Variants in WASF3 observed in about 807,000 individuals in gnomAD.
WASF3 encodes the protein WASP family member 3.
WASF3 carries 11 observed loss-of-function variants against 46.6 expected under a neutral mutation model. That is an observed-to-expected ratio of 0.24 (90% CI 0.15 to 0.39). The LOEUF is 0.39. Among genes scored for constraint, WASF3 ranks in the 10% least tolerant of loss-of-function variants. The pLI, the probability that WASF3 is intolerant of heterozygous loss-of-function variation, is 1.00. For missense variants in WASF3, 576 were observed against 669.8 expected (o/e 0.86, Z 1.55); for synonymous variants, 242 against 259.7 (o/e 0.93, Z 0.65).
the WASF3 span, among the ~76,000 whole-genome samples, chr13:26,547,393 AAC>A: frequency 0.046 from 6,099 of 131,274 alleles, 133 homozygotes; most frequent in Non-Finnish European, 0.055. Context: ...CTACCCCATC[AAC>A]ACACACACAC....
At chr13:26,542,074 C>A in the WASF3 span, among the ~76,000 whole-genome samples, 1 of 151,702 alleles carries the variant, frequency 6.6e-6, no homozygotes, top group Non-Finnish European at 1.5e-5. Context: ...ATTTGCCTTA[C>A]AAAAATCCTA....
intron 1 of WASF3, among the ~76,000 whole-genome samples, chr13:26,566,317 C>T (rs1408740027): frequency 6.6e-6 from 1 of 152,164 alleles, no homozygotes; most frequent in Non-Finnish European, 1.5e-5. Flanking sequence ...AGACTTTTCT[C>T]TCATCTGTCA....
At chr13:26,621,099 G>A (rs775011474) in intron 2 of WASF3, among the ~76,000 whole-genome samples, 7 of 152,118 alleles carry the variant, frequency 4.6e-5, no homozygotes, top group South Asian at 2.1e-4. Context: ...CTGTGATGCC[G>A]TGTCATCTCC....
chr13:26,594,427 G>T (rs1880397846), intron 1 of WASF3, among the ~76,000 whole-genome samples: 1 of 152,158 alleles, frequency 6.6e-6, no homozygotes, highest in Admixed American at 6.5e-5. Flanking sequence ...ACTCAAGCTG[G>T]AATTGTGGGA....
intron 1 of WASF3, among the ~76,000 whole-genome samples, chr13:26,583,711 C>G (rs1880049148): frequency 6.6e-6 from 1 of 152,166 alleles, no homozygotes; most frequent in African/African-American, 2.4e-5. Context: ...CTAGAACATC[C>G]TTTTCCCACT....
the WASF3 span, among the ~76,000 whole-genome samples, chr13:26,547,232 A>T: frequency 6.6e-6 from 1 of 152,248 alleles, no homozygotes; most frequent in East Asian, 1.9e-4. Context: ...TGAATTCCTA[A>T]TTTGTAACCC....
chr13:26,606,758 T>A (rs902217841), intron 1 of WASF3: 1 of 152,192 alleles, frequency 6.6e-6, no homozygotes, highest in Non-Finnish European at 1.5e-5. Flanking sequence ...AATCAGTCTC[T>A]TGGTGTCACT....
chr13:26,655,158 CTCT>C (rs1882430435), intron 3 of WASF3, among the ~76,000 whole-genome samples: 1 of 152,146 alleles, frequency 6.6e-6, no homozygotes, highest in Non-Finnish European at 1.5e-5. Context: ...TAAAAATGAT[CTCT>C]TTTTTGTCTC....
At chr13:26,578,778 C>T (rs948068518) in intron 1 of WASF3, among the ~76,000 whole-genome samples, 6 of 152,004 alleles carry the variant, frequency 3.9e-5, no homozygotes, top group Non-Finnish European at 7.4e-5. Context: ...TTTGCCTTAG[C>T]TTCCTCATTG....
intron 7 of WASF3, among the ~76,000 whole-genome samples, chr13:26,677,643 G>A (rs1040972149): frequency 2.0e-5 from 3 of 152,158 alleles, no homozygotes; most frequent in Admixed American, 6.5e-5. Flanking sequence ...GAGGATGTGA[G>A]GCAAGTTCTG....
intron 2 of WASF3, 87 bp from the exon 3 acceptor site, chr13:26,642,174 A>C: frequency 7.1e-7 from 1 of 1,399,316 alleles, no homozygotes; most frequent in South Asian, 1.7e-5. Context: ...AAATTCCTGG[A>C]AAATAGTCAA....
chr13:26,608,035 C>T (rs1388418464), intron 1 of WASF3, among the ~76,000 whole-genome samples: 2 of 148,838 alleles, frequency 1.3e-5, no homozygotes, highest in Non-Finnish European at 3.0e-5. Flanking sequence ...TAATGTACCC[C>T]TCCCCACCCC....
At chr13:26,636,313 C>T (rs2088757) in intron 2 of WASF3, among the ~76,000 whole-genome samples, 40,521 of 152,230 alleles carry the variant, frequency 0.27, 5,909 homozygotes, top group Non-Finnish European at 0.34. Flanking sequence ...TGGTACCCAC[C>T]GAGCCAGGCA....
intron 3 of WASF3, among the ~76,000 whole-genome samples, chr13:26,649,285 A>G (rs1882241516): frequency 6.6e-6 from 1 of 152,202 alleles, no homozygotes; most frequent in African/African-American, 2.4e-5. Context: ...ATAGGTGGAA[A>G]AGGAAAAATA....
At chr13:26,591,256 T>C (rs1880284777) in intron 1 of WASF3, among the ~76,000 whole-genome samples, 1 of 152,104 alleles carries the variant, frequency 6.6e-6, no homozygotes, top group South Asian at 2.1e-4. Flanking sequence ...TCACACTGTG[T>C]GTGCTGAACG....
At chr13:26,597,044 T>G (rs1189514000) in intron 1 of WASF3, among the ~76,000 whole-genome samples, 1 of 152,236 alleles carries the variant, frequency 6.6e-6, no homozygotes, top group Non-Finnish European at 1.5e-5. Flanking sequence ...GTCTACTGGT[T>G]GCAACATCAG....
intron 9 of WASF3, among the ~76,000 whole-genome samples, chr13:26,685,021 G>A (rs1245789543): frequency 2.0e-5 from 3 of 151,414 alleles, no homozygotes; most frequent in East Asian, 3.9e-4. Flanking sequence ...CCAGGAGGTC[G>A]AGGCTGCAGT....
chr13:26,546,962 T>C, the WASF3 span, among the ~76,000 whole-genome samples: 115 of 152,288 alleles, frequency 7.6e-4, 2 homozygotes, highest in South Asian at 0.022. Context: ...CCCAGATCTC[T>C]ACTTACCATG....
chr13:26,668,304 T>A (rs1181382277), intron 5 of WASF3, among the ~76,000 whole-genome samples: 1 of 152,232 alleles, frequency 6.6e-6, no homozygotes, highest in African/African-American at 2.4e-5. Context: ...CTCAGCACTT[T>A]CTTCCCATAC....
Sources: allele counts gnomAD v4.1 joint callset (sites outside exome capture counted in the v4.1 genomes callset), GRCh38; gene constraint gnomAD v4.1.1; transcripts MANE v1.5; gene names NCBI Gene and HGNC (gene_info 2026-07-23, HGNC 2026-07-21).